The following CHST9 variants were observed in gnomAD, a reference collection of about 807,000 sequenced individuals.
CHST9 encodes the protein GalNAc-4-sulfotransferase 2.
Under a neutral mutation model 44.4 loss-of-function variants are expected in CHST9, and 41 were observed. That is an observed-to-expected ratio of 0.92 (90% CI 0.72 to 1.20). The LOEUF (loss-of-function observed/expected upper bound fraction) is 1.20. Ranked by LOEUF, CHST9 falls within the 50% of genes most tolerant of loss-of-function variation. The pLI, the probability that CHST9 is intolerant of heterozygous loss-of-function variation, is 0.00. For synonymous variants in CHST9, 171 were observed against 178.4 expected (o/e 0.96, Z 0.33); for missense variants, 504 against 516.5 (o/e 0.98, Z 0.23).
intron 2 of CHST9, among the ~76,000 whole-genome samples, chr18:27,124,170 C>T (rs984675632): frequency 1.3e-5 from 2 of 152,116 alleles, no homozygotes; most frequent in African/African-American, 2.4e-5. Flanking sequence ...AAAAATACAC[C>T]TGAGATCTCA....
intron 4 of CHST9, among the ~76,000 whole-genome samples, chr18:26,975,491 A>G (rs1208993924): frequency 1.3e-5 from 2 of 151,762 alleles, no homozygotes; most frequent in Non-Finnish European, 2.9e-5. Flanking sequence ...ATGTGCACAC[A>G]TTATTTAGCT....
At chr18:27,160,956 A>G (rs1381575745) in intron 1 of CHST9, among the ~76,000 whole-genome samples, 1 of 151,970 alleles carries the variant, frequency 6.6e-6, no homozygotes, top group Non-Finnish European at 1.5e-5. Flanking sequence ...CGGTGGTGAT[A>G]TCCCCTTTAT....
At chr18:27,056,414 G>C (rs769922204) in intron 2 of CHST9, among the ~76,000 whole-genome samples, 12 of 152,204 alleles carry the variant, frequency 7.9e-5, no homozygotes, top group Middle Eastern at 3.4e-3. Flanking sequence ...TGGTGATTAA[G>C]GACAATTTTG....
chr18:26,944,929 C>A (rs2056140054), intron 4 of CHST9, among the ~76,000 whole-genome samples: 1 of 152,082 alleles, frequency 6.6e-6, no homozygotes, highest in South Asian at 2.1e-4. Flanking sequence ...GGATGAAAAA[C>A]ATGCAGAGTA....
chr18:27,043,084 A>T (rs1308611802), intron 3 of CHST9, among the ~76,000 whole-genome samples: 1 of 152,032 alleles, frequency 6.6e-6, no homozygotes, highest in Admixed American at 6.6e-5. Context: ...TCAGAGACAG[A>T]GAATGCTGTT....
At chr18:27,044,066 C>CCA (rs1555679068) in intron 3 of CHST9, among the ~76,000 whole-genome samples, 1 of 151,672 alleles carries the variant, frequency 6.6e-6, no homozygotes, top group African/African-American at 2.4e-5. Context: ...CCCTTCCCCC[C>CCA]CCTTTATTTT....
intron 2 of CHST9, among the ~76,000 whole-genome samples, chr18:27,091,719 A>G (rs1333499752): frequency 6.6e-6 from 1 of 152,102 alleles, no homozygotes; most frequent in African/African-American, 2.4e-5. Context: ...GGCTTTTGTC[A>G]TTGTTCCTGT....
At position 26,907,269 on chromosome 18, in the gene CHST9, G is replaced by A. The variant is rs1328131038; in HGVS notation, c.*8990C>T. The A allele has an allele frequency of 6.6e-6, 1 of 152,626 alleles. No homozygotes were observed. The highest frequency in any genetic ancestry group is 6.5e-5 in the Admixed American group (1 of 15,268). 9.5% of individuals were successfully genotyped at this position (152,626 alleles called of 1,614,324 possible). On this transcript the variant is annotated 3_prime_UTR_variant, in exon 6 of 6. Transcript: ENST00000618847. The stretch of plus-strand genomic sequence containing the variant: ...GAGGAGTCAGCTTAGGGAGAAATCG[G>A]GGTTGACTTCTAGGTTCCTAACTCA...
chr18:26,985,253 A>T (rs1403326071), intron 4 of CHST9, among the ~76,000 whole-genome samples: 2 of 152,232 alleles, frequency 1.3e-5, no homozygotes, highest in Non-Finnish European at 2.9e-5. Flanking sequence ...TATTCAATTT[A>T]TGCAGTGTTC....
At chr18:27,084,623 T>C (rs111468330) in intron 2 of CHST9, among the ~76,000 whole-genome samples, 22 of 151,978 alleles carry the variant, frequency 1.4e-4, no homozygotes, top group African/African-American at 4.1e-4. Flanking sequence ...TGATCTTTTG[T>C]ATGGTTTTTT....
intron 3 of CHST9, among the ~76,000 whole-genome samples, chr18:27,045,532 A>G (rs2057489774): frequency 6.6e-6 from 1 of 151,986 alleles, no homozygotes. Flanking sequence ...GGAAAATAGA[A>G]AATTGATGAC....
chr18:26,986,174 G>A (rs2056752865), intron 4 of CHST9, among the ~76,000 whole-genome samples: 1 of 152,136 alleles, frequency 6.6e-6, no homozygotes, highest in Non-Finnish European at 1.5e-5. Flanking sequence ...ACTCAGAGAT[G>A]AGAATTAGCA....
chr18:27,169,248 A>G lies in CHST9; in HGVS notation c.-97+15888T>C, dbSNP rs553098597. On this transcript the variant is annotated intron_variant, in intron 1 of 5. Transcript: ENST00000618847. ...ATTTACAGTAATTTATCACACAGCA[A>G]TAGAAAACTAATACAAGAGGTCTAG... Among the ~76,000 whole-genome samples, 21 of 152,366 alleles carry G rather than the reference A, an allele frequency of 1.4e-4. No homozygotes were observed. In the South Asian group the frequency reaches 2.7e-3, roughly 20 times the overall value.
chr18:27,089,912 G>A (rs541460434), intron 2 of CHST9, among the ~76,000 whole-genome samples: 2 of 148,792 alleles, frequency 1.3e-5, no homozygotes, highest in South Asian at 2.2e-4. Context: ...CCAGGTTCAC[G>A]CCGTTCTCCT....
chr18:27,078,461 T>C (rs2057927866), intron 2 of CHST9, among the ~76,000 whole-genome samples: 1 of 151,900 alleles, frequency 6.6e-6, no homozygotes, highest in Admixed American at 6.6e-5. Flanking sequence ...AGTATATACA[T>C]GTGTATGTAA....
At chr18:27,016,950 T>C in intron 4 of CHST9, among the ~76,000 whole-genome samples, 1 of 152,200 alleles carries the variant, frequency 6.6e-6, no homozygotes, top group East Asian at 1.9e-4. Flanking sequence ...ATGTTCTGCC[T>C]CCCTGGAACT....
At chr18:27,112,578 CGTGTGTGTGTGTGTGTGT>C (rs35249332) in intron 2 of CHST9, among the ~76,000 whole-genome samples, 2 of 140,466 alleles carry the variant, frequency 1.4e-5, no homozygotes, top group Non-Finnish European at 1.5e-5. Flanking sequence ...GGATATTCAA[CGTGTGTGTGTGTGTGTGT>C]GTGTGTGTGT....
chr18:27,048,945 AAG>A (rs2057535260), intron 2 of CHST9, among the ~76,000 whole-genome samples: 4 of 152,292 alleles, frequency 2.6e-5, no homozygotes, highest in Admixed American at 2.6e-4. Flanking sequence ...CAGTTATTTT[AAG>A]AAAGGAGGGG....
intron 1 of CHST9, among the ~76,000 whole-genome samples, chr18:27,159,222 T>G (rs2058724790): frequency 6.6e-6 from 1 of 152,236 alleles, no homozygotes; most frequent in Admixed American, 6.5e-5. Flanking sequence ...GGTTTTCTTC[T>G]AGGGGTTTTA....
Sources: allele counts gnomAD v4.1 joint callset (sites outside exome capture counted in the v4.1 genomes callset), GRCh38; gene constraint gnomAD v4.1.1; transcripts MANE v1.5; gene names NCBI Gene and HGNC (gene_info 2026-07-23, HGNC 2026-07-21).